SGCD: variants seen among roughly 807,000 people sequenced by gnomAD.
SGCD encodes sarcoglycan delta, also known as delta-sarcoglycan.
In SGCD, 18 loss-of-function variants were observed where a neutral mutation model predicts 36.6. That is an observed-to-expected ratio of 0.49 (90% confidence interval 0.34 to 0.73). The LOEUF is 0.73. SGCD is among the 30% of genes least tolerant of loss of function. The probability of loss-of-function intolerance (pLI) is 0.01; values close to 1 mark genes in which losing one functional copy is unlikely to be tolerated. For synonymous variants in SGCD, 133 were observed against 130.6 expected (o/e 1.02, Z -0.12); for missense variants, 387 against 346.7 (o/e 1.12, Z -0.92).
At position 156,584,170 on chromosome 5, in the gene SGCD, C is replaced by G. The variant is rs995882735; in HGVS notation, c.295-5061C>G. 2.0e-5 allele frequency among the ~76,000 whole-genome samples: 3 copies of G among 152,220 alleles called. No individual in the cohort carries two copies. The East Asian group carries it at 5.8e-4, about 29-fold the overall frequency. ...CAAACTCCAAGCACATAGTCTTTCTCTCTGTCCCTTAAGTATATACCAAGC... is the reference window on the plus strand; with the variant it reads ...CAAACTCCAAGCACATAGTCTTTCTGTCTGTCCCTTAAGTATATACCAAGC... On this transcript the variant is annotated intron_variant, in intron 4 of 8. Coordinates refer to ENST00000337851, the MANE Select transcript of SGCD (RefSeq NM_000337.6).
chr5:156,537,026 C>G (rs1321812047), intron 4 of SGCD, among the ~76,000 whole-genome samples: 2 of 152,096 alleles, frequency 1.3e-5, no homozygotes, highest in African/African-American at 4.8e-5. Context: ...AGCTGACTTC[C>G]TCCCTCGTGA....
intron 1 of SGCD, among the ~76,000 whole-genome samples, chr5:156,043,130 T>G (rs190822538): frequency 1.3e-3 from 198 of 152,340 alleles, no homozygotes; most frequent in African/African-American, 4.4e-3. Context: ...TTACAATTTT[T>G]ACAAAGGCAG....
intron 3 of SGCD, among the ~76,000 whole-genome samples, chr5:156,297,916 C>T (rs547967122): frequency 2.0e-5 from 3 of 151,868 alleles, no homozygotes; most frequent in South Asian, 4.2e-4. Context: ...AGCTATCCCC[C>T]GCCCACCCCC....
chr5:156,300,947 T>C (rs1439251659), intron 3 of SGCD, among the ~76,000 whole-genome samples: 5 of 127,678 alleles, frequency 3.9e-5, no homozygotes, highest in Admixed American at 3.1e-4. Flanking sequence ...TTTTGGTCTC[T>C]ATGGCATGGC....
intron 1 of SGCD, among the ~76,000 whole-genome samples, chr5:156,060,185 AAGGTGTGC>A (rs1483360714): frequency 6.8e-6 from 1 of 146,400 alleles, no homozygotes; most frequent in Non-Finnish European, 1.5e-5. Flanking sequence ...CCTGTCCTAT[AAGGTGTGC>A]AGGAGTAGAT....
At chr5:156,033,591 G>A (rs879282384) in intron 1 of SGCD, among the ~76,000 whole-genome samples, 1 of 152,110 alleles carries the variant, frequency 6.6e-6, no homozygotes, top group Admixed American at 6.5e-5. Flanking sequence ...TGAATTTGTT[G>A]GAAGTAATAA....
intron 6 of SGCD, among the ~76,000 whole-genome samples, chr5:156,629,591 A>G (rs1180830073): frequency 6.6e-5 from 10 of 152,224 alleles, no homozygotes; most frequent in Admixed American, 6.5e-4. Context: ...CTAAGAGGAT[A>G]CAAAGATGCA....
intron 3 of SGCD, among the ~76,000 whole-genome samples, chr5:156,239,082 G>T (rs749337658): frequency 1.3e-5 from 2 of 151,960 alleles, no homozygotes; most frequent in Admixed American, 6.6e-5. Context: ...GTCCCGTGGC[G>T]CATCAGTAAT....
chr5:156,258,497 AATTGGGTGTTGGT>A (rs1581200804), intron 3 of SGCD, among the ~76,000 whole-genome samples: 2 of 152,304 alleles, frequency 1.3e-5, no homozygotes, highest in Non-Finnish European at 1.5e-5. Flanking sequence ...ATCTACTGCT[AATTGGGTGTTGGT>A]TTACTATCAA....
chr5:156,642,485 T>C (rs574598848), intron 6 of SGCD, among the ~76,000 whole-genome samples: 161 of 134,386 alleles, frequency 1.2e-3, no homozygotes, highest in African/African-American at 4.3e-3. Context: ...TTTTTTTTTT[T>C]CCAAGACGGA....
At chr5:156,134,424 C>T (rs72807768) in intron 3 of SGCD, among the ~76,000 whole-genome samples, 15,458 of 152,164 alleles carry the variant, frequency 0.1, 1,318 homozygotes, top group East Asian at 0.45. Context: ...TACTCATTCC[C>T]CTCTCTTCTC....
chr5:156,123,507 T>C (rs370527043), intron 2 of SGCD, among the ~76,000 whole-genome samples: 4 of 152,128 alleles, frequency 2.6e-5, no homozygotes, highest in African/African-American at 7.2e-5. Flanking sequence ...TTTTGTATAC[T>C]AAAGATTTGC....
intron 3 of SGCD, among the ~76,000 whole-genome samples, chr5:156,362,455 G>A (rs1353279288): frequency 6.6e-6 from 1 of 152,180 alleles, no homozygotes; most frequent in Non-Finnish European, 1.5e-5. Context: ...AAACCATCCT[G>A]GCCAACATGG....
At chr5:156,177,533 G>T (rs1359003506) in intron 3 of SGCD, among the ~76,000 whole-genome samples, 1 of 152,116 alleles carries the variant, frequency 6.6e-6, no homozygotes, top group Non-Finnish European at 1.5e-5. Flanking sequence ...TGAGGGTCCT[G>T]TGCATCTCGG....
intron 3 of SGCD, among the ~76,000 whole-genome samples, chr5:156,487,871 T>C (rs953309763): frequency 3.1e-4 from 34 of 109,402 alleles, no homozygotes; most frequent in African/African-American, 1.0e-3. Flanking sequence ...CAAAAAAGAA[T>C]TCAAAATAAA....
chr5:156,177,221 C>T (rs575367168), intron 3 of SGCD, among the ~76,000 whole-genome samples: 169 of 152,138 alleles, frequency 1.1e-3, no homozygotes, highest in African/African-American at 3.7e-3. Flanking sequence ...AGGATGATCT[C>T]GATCTCTTGA....
intron 3 of SGCD, among the ~76,000 whole-genome samples, chr5:156,491,880 T>C (rs982766088): frequency 2.6e-5 from 4 of 152,104 alleles, no homozygotes; most frequent in African/African-American, 9.7e-5. Flanking sequence ...ATAGCCACGT[T>C]TTCATCTTGA....
intron 3 of SGCD, among the ~76,000 whole-genome samples, chr5:156,397,809 G>A: frequency 6.6e-6 from 1 of 152,086 alleles, no homozygotes; most frequent in East Asian, 1.9e-4. Flanking sequence ...AAGGAAGCAG[G>A]GTAAAATGAT....
intron 3 of SGCD, among the ~76,000 whole-genome samples, chr5:156,223,799 A>G (rs984239111): frequency 2.6e-5 from 4 of 152,046 alleles, no homozygotes; most frequent in African/African-American, 9.7e-5. Flanking sequence ...AAAAAGCAGG[A>G]TGTAGATTGT....
Sources: allele counts gnomAD v4.1 joint callset (sites outside exome capture counted in the v4.1 genomes callset), GRCh38; gene constraint gnomAD v4.1.1; transcripts MANE v1.5; gene names NCBI Gene and HGNC (gene_info 2026-07-23, HGNC 2026-07-21).